Variants in KCNIP1 observed in about 807,000 individuals in gnomAD.
The protein encoded by KCNIP1 is potassium voltage-gated channel interacting protein 1.
KCNIP1 carries 18 observed loss-of-function variants against 33.0 expected under a neutral mutation model. That is an observed-to-expected ratio of 0.55 (90% CI 0.38 to 0.81). The LOEUF is 0.81. Among genes scored for constraint, KCNIP1 ranks in the 30% least tolerant of loss-of-function variants. The pLI, the probability that KCNIP1 is intolerant of heterozygous loss-of-function variation, is 0.00. For synonymous variants in KCNIP1, 93 were observed against 98.3 expected, an observed-to-expected ratio of 0.95 and a Z score of 0.32; for missense variants, 238 against 271.6, an observed-to-expected ratio of 0.88 and a Z score of 0.87.
chr5:170,552,269 G>A (rs1756675043), intron 1 of KCNIP1, among the ~76,000 whole-genome samples: 1 of 152,188 alleles, frequency 6.6e-6, no homozygotes, highest in African/African-American at 2.4e-5. Context: ...TTGCAAGTCT[G>A]TGGCCAGGCA....
At chr5:170,727,117 A>G (rs1393191505) in intron 5 of KCNIP1, among the ~76,000 whole-genome samples, 1 of 152,250 alleles carries the variant, frequency 6.6e-6, no homozygotes, top group East Asian at 1.9e-4. Flanking sequence ...AATATTACTC[A>G]GCAGTAAAAA....
chr5:170,508,117 C>T (rs1754785971), intron 1 of KCNIP1, among the ~76,000 whole-genome samples: 1 of 152,168 alleles, frequency 6.6e-6, no homozygotes, highest in Admixed American at 6.5e-5. Flanking sequence ...TAGACCAAGG[C>T]CATCTCAACA....
At chr5:170,381,967 T>C (rs556185029) in intron 1 of KCNIP1, among the ~76,000 whole-genome samples, 67 of 152,214 alleles carry the variant, frequency 4.4e-4, no homozygotes, top group African/African-American at 1.6e-3. Context: ...CATCCTGCAC[T>C]GCCCAGACCC....
At chr5:170,553,650 G>A (rs1364241515) in intron 1 of KCNIP1, among the ~76,000 whole-genome samples, 2 of 152,180 alleles carry the variant, frequency 1.3e-5, no homozygotes, top group African/African-American at 4.8e-5. Context: ...GGTCTGCGAC[G>A]GTAAGACTCA....
chr5:170,498,332 C>CAA (rs1757349741), intron 1 of KCNIP1, among the ~76,000 whole-genome samples: 1 of 152,172 alleles, frequency 6.6e-6, no homozygotes, highest in Admixed American at 6.5e-5. Flanking sequence ...TTGAGGGGCT[C>CAA]AAAGGTCAAA....
chr5:170,497,842 G>A (rs764051858), intron 1 of KCNIP1, among the ~76,000 whole-genome samples: 4 of 152,220 alleles, frequency 2.6e-5, no homozygotes, highest in African/African-American at 7.2e-5. Context: ...TCCCAGCTGC[G>A]TGGGTGGCTG....
chr5:170,440,616 A>AG (rs1755966854), intron 1 of KCNIP1, among the ~76,000 whole-genome samples: 1 of 152,176 alleles, frequency 6.6e-6, no homozygotes, highest in Non-Finnish European at 1.5e-5. Context: ...GGCTGAGTGA[A>AG]GGGGTAGAAG....
intron 1 of KCNIP1, among the ~76,000 whole-genome samples, chr5:170,703,593 T>C (rs1763168503): frequency 1.6e-5 from 2 of 128,502 alleles, no homozygotes; most frequent in African/African-American, 5.8e-5. Flanking sequence ...GGCAACACAG[T>C]GAGACCCCAT....
intron 1 of KCNIP1, among the ~76,000 whole-genome samples, chr5:170,618,938 A>T (rs1403457265): frequency 6.6e-6 from 1 of 151,978 alleles, no homozygotes; most frequent in East Asian, 1.9e-4. Context: ...GTCATGGGGG[A>T]CACTGTCTAG....
chr5:170,557,926 C>T (rs988898904), intron 1 of KCNIP1, among the ~76,000 whole-genome samples: 4 of 152,140 alleles, frequency 2.6e-5, no homozygotes, highest in Non-Finnish European at 4.4e-5. Context: ...CAGCATCTGG[C>T]GCATTGCTGG....
At chr5:170,577,564 AGGGG>A (rs1757647441) in intron 1 of KCNIP1, among the ~76,000 whole-genome samples, 1 of 152,136 alleles carries the variant, frequency 6.6e-6, no homozygotes, top group Non-Finnish European at 1.5e-5. Context: ...ATTCTGACTC[AGGGG>A]CAATAATGTT....
intron 1 of KCNIP1, among the ~76,000 whole-genome samples, chr5:170,387,459 G>T (rs766105186): frequency 1.3e-5 from 2 of 152,164 alleles, no homozygotes; most frequent in Non-Finnish European, 2.9e-5. Context: ...AAAGGGAAGA[G>T]ACCAGGGTCA....
chr5:170,681,755 T>C (rs993647262), intron 1 of KCNIP1, among the ~76,000 whole-genome samples: 2 of 152,170 alleles, frequency 1.3e-5, no homozygotes, highest in African/African-American at 4.8e-5. Context: ...GAGAATGGGG[T>C]TATAAATCCA....
chr5:170,425,524 G>A lies in KCNIP1; in HGVS notation c.88+71560G>A, dbSNP rs185928077. 1.8e-4 allele frequency among the ~76,000 whole-genome samples: 28 copies of A among 152,280 alleles called. 1 individual carries two copies. In the East Asian group the frequency reaches 2.9e-3, roughly 16 times the overall value. On this transcript the variant is annotated intron_variant, in intron 1 of 7. Coordinates refer to the KCNIP1 transcript ENST00000377360. ...GGTTCCCTGTATTCATAGGAAGGAGGATCCCTTGGATCCATGCCCCCAACT... is the reference window on the plus strand; with the variant it reads ...GGTTCCCTGTATTCATAGGAAGGAGAATCCCTTGGATCCATGCCCCCAACT...
intron 4 of KCNIP1, among the ~76,000 whole-genome samples, chr5:170,722,312 A>G (rs1013694383): frequency 1.3e-5 from 2 of 152,202 alleles, no homozygotes; most frequent in Admixed American, 6.5e-5. Flanking sequence ...CAAAGAGCAC[A>G]TAAATGATAA....
chr5:170,515,803 T>C (rs1755099094), intron 1 of KCNIP1, among the ~76,000 whole-genome samples: 2 of 152,152 alleles, frequency 1.3e-5, no homozygotes, highest in South Asian at 4.1e-4. Context: ...TATGTAACAC[T>C]GTGGGGATTC....
intron 1 of KCNIP1, among the ~76,000 whole-genome samples, chr5:170,577,426 A>T (rs1757640366): frequency 6.6e-6 from 1 of 152,226 alleles, no homozygotes; most frequent in African/African-American, 2.4e-5. Flanking sequence ...GCCTGGATAC[A>T]TTGAGTCAAA....
At chr5:170,391,444 G>C (rs1324772984) in intron 1 of KCNIP1, among the ~76,000 whole-genome samples, 1 of 152,250 alleles carries the variant, frequency 6.6e-6, no homozygotes, top group Non-Finnish European at 1.5e-5. Flanking sequence ...AAAAGGCATT[G>C]ACAAGCCCTG....
At chr5:170,597,786 T>TAAATAAATAAATAA (rs1016791333) in intron 1 of KCNIP1, among the ~76,000 whole-genome samples, 2 of 732 alleles carry the variant, frequency 2.7e-3, no homozygotes, top group African/African-American at 4.9e-3. Context: ...GAGAGATAAA[T>TAAATAAATAAATAA]ATATATATAT....
Sources: gnomAD v4.1 joint callset for allele counts (sites outside exome capture counted in the v4.1 genomes callset) on GRCh38, gnomAD v4.1.1 for gene constraint, MANE v1.5 for transcripts, NCBI Gene and HGNC (gene_info 2026-07-23, HGNC 2026-07-21) for gene names.